LANCL2: variants seen among roughly 807,000 people sequenced by gnomAD.
LANCL2 encodes the protein LanC like glutathione S-transferase 2.
In LANCL2, 33 loss-of-function variants were observed where a neutral mutation model predicts 56.9. That is an observed-to-expected ratio of 0.58 (90% confidence interval 0.44 to 0.78). The LOEUF is 0.78. LANCL2 is among the 30% of genes least tolerant of loss of function. LANCL2 has a pLI of 0.00. For missense variants in LANCL2, 562 were observed against 580.2 expected (o/e 0.97, Z 0.32); for synonymous variants, 233 against 228.2 (o/e 1.02, Z -0.19).
At chr7:55,406,445 C>T (rs981501063) in intron 5 of LANCL2, among the ~76,000 whole-genome samples, 3 of 152,134 alleles carry the variant, frequency 2.0e-5, no homozygotes, top group African/African-American at 7.2e-5. Flanking sequence ...AGATCTGGTT[C>T]CCGCTTAGCC....
At chr7:55,392,600 C>T (rs1032982192) in intron 2 of LANCL2, among the ~76,000 whole-genome samples, 1 of 152,194 alleles carries the variant, frequency 6.6e-6, no homozygotes, top group Non-Finnish European at 1.5e-5. Flanking sequence ...CCTCCTGCTT[C>T]AGCCTCCCAA....
intron 1 of LANCL2, among the ~76,000 whole-genome samples, chr7:55,384,739 A>G (rs1021966105): frequency 6.6e-6 from 1 of 152,190 alleles, no homozygotes; most frequent in Non-Finnish European, 1.5e-5. Context: ...GTTAGAAATC[A>G]TGGAGACAGA....
intron 1 of LANCL2, among the ~76,000 whole-genome samples, chr7:55,380,398 G>C (rs1238679426): frequency 7.0e-6 from 1 of 143,828 alleles, no homozygotes; most frequent in African/African-American, 2.7e-5. Flanking sequence ...AACAAAAGAA[G>C]GTACATATAC....
At chr7:55,402,151 G>A (rs1790338323) in intron 5 of LANCL2, among the ~76,000 whole-genome samples, 3 of 150,670 alleles carry the variant, frequency 2.0e-5, no homozygotes, top group African/African-American at 7.3e-5. Context: ...CCCGGACGGG[G>A]CGGCTGGCCG....
chr7:55,376,905 T>C (rs1195363367), intron 1 of LANCL2, among the ~76,000 whole-genome samples: 1 of 152,246 alleles, frequency 6.6e-6, no homozygotes, highest in Non-Finnish European at 1.5e-5. Flanking sequence ...CAAAATTTGC[T>C]AATCATCTAC....
intron 5 of LANCL2, among the ~76,000 whole-genome samples, chr7:55,403,072 G>C (rs1022172364): frequency 1.8e-4 from 28 of 152,138 alleles, no homozygotes; most frequent in East Asian, 1.9e-4. Flanking sequence ...CGGCACTTTG[G>C]GGGGCCAAGG....
chr7:55,390,931 T>TTA (rs1010543875), intron 1 of LANCL2, among the ~76,000 whole-genome samples: 10 of 151,938 alleles, frequency 6.6e-5, no homozygotes, highest in East Asian at 5.8e-4. Context: ...TTAATTCTTT[T>TTA]TATATATATA....
intron 1 of LANCL2, among the ~76,000 whole-genome samples, chr7:55,390,813 TAAC>T (rs1790178967): frequency 6.6e-6 from 1 of 151,982 alleles, no homozygotes; most frequent in Non-Finnish European, 1.5e-5. Context: ...GGAAAGATCT[TAAC>T]AACACTGTTA....
At position 55,368,940 on chromosome 7, in the gene LANCL2, T is replaced by G. The variant is rs555734201; in HGVS notation, c.204+2711T>G. 3.1e-4 allele frequency among the ~76,000 whole-genome samples: 47 copies of G among 150,962 alleles called. 1 individual carries two copies. The South Asian group carries it at 9.5e-3, about 30-fold the overall frequency. ...CAGGAGGATCACTTGAGGGCAGGAG[T>G]TCAAGACTAGCCTGGGCAACATAGT... is the stretch of plus-strand genomic sequence containing the variant. On this transcript the variant is annotated intron_variant, in intron 1 of 8. Transcript: ENST00000254770.
At chr7:55,419,300 T>C (rs1346092803) in intron 6 of LANCL2, among the ~76,000 whole-genome samples, 1 of 152,080 alleles carries the variant, frequency 6.6e-6, no homozygotes, top group African/African-American at 2.4e-5. Context: ...GTTTTCTCAT[T>C]TTATCTAAGT....
chr7:55,413,777 T>C (rs1790496527), intron 6 of LANCL2, among the ~76,000 whole-genome samples: 1 of 152,248 alleles, frequency 6.6e-6, no homozygotes, highest in African/African-American at 2.4e-5. Context: ...GAGCCAAAGA[T>C]GTCAAGATCC....
Position 55,391,794 on chromosome 7 carries a change from T to C in LANCL2, c.206T>C (p.Ile69Thr), listed in dbSNP as rs1356781920. The change falls in exon 2 of 9, where the codon ATC (isoleucine) becomes ACC (threonine). Residue 69 changes from isoleucine to threonine, a missense_variant and splice_region_variant. Ile to Thr is a moderately conservative substitution (Grantham distance 89). Transcript: ENST00000254770. ...PGLPFHQDGK[I>T]IHNFIRRIQT... ...GTTATCTCTTCTTTTGGATCTCAGA[T>C]CATTCATAATTTCATAAGACGGATC... 1.3e-6 allele frequency: 2 copies of C among 1,530,076 alleles called. No individual in the cohort carries two copies. The highest frequency in any genetic ancestry group is 1.7e-5 in the Admixed American group (1 of 59,776). 94.8% of individuals were successfully genotyped at this position (1,530,076 alleles called of 1,614,324 possible).
At chr7:55,417,337 A>G (rs1356786926) in intron 6 of LANCL2, among the ~76,000 whole-genome samples, 1 of 152,074 alleles carries the variant, frequency 6.6e-6, no homozygotes, top group Non-Finnish European at 1.5e-5. Context: ...TTTGTGGAAA[A>G]GACATTTATT....
intron 1 of LANCL2, among the ~76,000 whole-genome samples, chr7:55,381,120 C>A (rs1000766630): frequency 3.3e-5 from 5 of 152,068 alleles, no homozygotes; most frequent in African/African-American, 1.2e-4. Flanking sequence ...TTCTACCCAC[C>A]CTGGTTTCCC....
chr7:55,391,822 G>T lies in LANCL2; in HGVS notation c.234G>T (p.Gln78His). The T allele has an allele frequency of 1.2e-6, 2 of 1,610,564 alleles. No homozygotes were observed. Among genetic ancestry groups the T allele is most frequent in the South Asian group, 1.1e-5 (1 of 90,966 alleles). ...KIIHNFIRRI[Q>H]TKIKDLLQQM... ...TTCATAATTTCATAAGACGGATCCAGACCAAAATTAAAGATCTTCTGCAGC... is the reference window on the plus strand; with the variant it reads ...TTCATAATTTCATAAGACGGATCCATACCAAAATTAAAGATCTTCTGCAGC... The change falls in exon 2 of 9, where the codon CAG (glutamine) becomes CAT (histidine). Residue 78 changes from glutamine to histidine, a missense_variant. This residue lies in a region of LANCL2 where 184 missense variants were observed against 111.8 expected (regional missense o/e 1.65). Coordinates refer to ENST00000254770, the MANE Select transcript of LANCL2 (RefSeq NM_018697.4).
At position 55,432,771 on chromosome 7, in the gene LANCL2, C is replaced by T. The variant is rs1158339242; in HGVS notation, c.*1451C>T. Reference sequence around the variant, plus strand: ...AAATGTGTGACATTCAGCTTCTAAACGATGCCTGGAGAGTCTGTTTGCTGC... The same window carrying T: ...AAATGTGTGACATTCAGCTTCTAAATGATGCCTGGAGAGTCTGTTTGCTGC... On this transcript the variant is annotated 3_prime_UTR_variant, in exon 9 of 9. Coordinates refer to ENST00000254770, the MANE Select transcript of LANCL2 (RefSeq NM_018697.4). The T allele has an allele frequency of 6.6e-6, 1 of 152,250 alleles. No individual in the cohort carries two copies. Among genetic ancestry groups the T allele is most frequent in the Admixed American group, 6.5e-5 (1 of 15,286 alleles). 9.4% of individuals were successfully genotyped at this position (152,250 alleles called of 1,614,324 possible).
In LANCL2 at chr7:55,366,064, G is replaced by C; in HGVS notation, c.39G>C (p.Leu13=). The C allele has an allele frequency of 2.6e-6, 4 of 1,528,024 alleles. No homozygotes were observed. Among genetic ancestry groups the C allele is most frequent in the Admixed American group, 2.0e-5 (1 of 49,336 alleles). 94.7% of individuals were successfully genotyped at this position (1,528,024 alleles called of 1,614,324 possible). Residue 13 remains leucine, a synonymous_variant, in exon 1 of 9, where the codon CTG becomes CTC. Transcript: ENST00000254770. ...ETMSKRLKLH[L]GGEAEMEERA... Reference sequence around the variant, plus strand: ...TGTCAAAGAGGCTGAAGCTCCACCTGGGAGGGGAGGCAGAAATGGAGGAAC... The same window carrying C: ...TGTCAAAGAGGCTGAAGCTCCACCTCGGAGGGGAGGCAGAAATGGAGGAAC...
intron 1 of LANCL2, among the ~76,000 whole-genome samples, chr7:55,386,906 G>A (rs1480380476): frequency 6.6e-6 from 1 of 152,210 alleles, no homozygotes; most frequent in Non-Finnish European, 1.5e-5. Context: ...TGGGGATTAT[G>A]TTAGGGTGAA....
At chr7:55,395,691 A>G (rs1392542362) in intron 2 of LANCL2, among the ~76,000 whole-genome samples, 2 of 152,248 alleles carry the variant, frequency 1.3e-5, no homozygotes, top group East Asian at 1.9e-4. Context: ...TCACCATTGC[A>G]TCCTAGCAAC....
Sources: allele counts gnomAD v4.1 joint callset (sites outside exome capture counted in the v4.1 genomes callset), GRCh38; gene constraint gnomAD v4.1.1; regional missense constraint gnomAD v4.1.1; transcripts MANE v1.5; gene names NCBI Gene and HGNC (gene_info 2026-07-23, HGNC 2026-07-21).